The following VPS13B variants were observed in gnomAD, a reference collection of about 807,000 sequenced individuals.
VPS13B encodes intermembrane lipid transfer protein VPS13B.
Under a neutral mutation model 426.4 loss-of-function variants are expected in VPS13B, and 285 were observed. The observed-to-expected ratio is 0.67, with a 90% CI of 0.61 to 0.74. The LOEUF is 0.74. Ranked by LOEUF, VPS13B falls within the 30% of genes least tolerant of loss-of-function variation. The pLI, the probability that VPS13B is intolerant of heterozygous loss-of-function variation, is 0.00. For missense variants in VPS13B, 4,537 were observed against 4,782.6 expected, an observed-to-expected ratio of 0.95 and a Z score of 1.51; for synonymous variants, 1,676 against 1,676.4, an observed-to-expected ratio of 1.00 and a Z score of 0.01.
chr8:99,854,228 C>T lies in VPS13B; in HGVS notation c.10839C>T (p.His3613=). 1 of 1,614,096 alleles carries T rather than the reference C, an allele frequency of 6.2e-7. No homozygotes were observed. Among genetic ancestry groups the T allele is most frequent in the Middle Eastern group, 1.7e-4 (1 of 6,058 alleles). Residue 3613 remains histidine (H), a synonymous_variant, in exon 56 of 62, where the codon CAC becomes CAT. Transcript: ENST00000357162. The part of the protein sequence containing the change: ...ARQLVHALAM[H]YAAGALFRAG... ...AGCTTGTGCACGCCCTGGCAATGCA[C>T]TATGCCGCTGGGGCCCTTTTTAGAG...
Position 99,051,423 on chromosome 8 carries a change from G to C in VPS13B, c.291+12857G>C, listed in dbSNP as rs909805053. Among the ~76,000 whole-genome samples the C allele has an allele frequency of 1.2e-4, 18 of 151,406 alleles. 1 individual carries two copies. Among genetic ancestry groups the C allele is most frequent in the African/African-American group, 1.7e-4 (7 of 41,256 alleles). Reference sequence around the variant, plus strand: ...TTGGTACCAGTACCATGCTGTTTTGGTTACTGTAGCCTTGTAGTATAGTTT... The same window carrying C: ...TTGGTACCAGTACCATGCTGTTTTGCTTACTGTAGCCTTGTAGTATAGTTT... On this transcript the variant is annotated intron_variant, in intron 3 of 61. Coordinates refer to ENST00000357162, the MANE Select transcript of VPS13B (RefSeq NM_152564.5).
chr8:99,872,347 C>CTCTT lies in VPS13B; in HGVS notation c.11745+653_11745+656dup, dbSNP rs1365197994. ...CTGCTTTGTATTCTGTGGCTGTGTT[C>CTCTT]TCTTTCCCACAGGATAGTTTCCCAC... On this transcript the variant is annotated intron_variant, in intron 61 of 61. Coordinates refer to ENST00000357162, the MANE Select transcript of VPS13B (RefSeq NM_152564.5). 2.6e-5 allele frequency among the ~76,000 whole-genome samples: 4 copies of CTCTT among 152,218 alleles called. No individual in the cohort carries two copies. In the East Asian group the frequency reaches 7.7e-4, roughly 29 times the overall value.
At chr8:99,470,666 G>C (rs1005938971) in intron 24 of VPS13B, among the ~76,000 whole-genome samples, 2 of 151,076 alleles carry the variant, frequency 1.3e-5, no homozygotes, top group African/African-American at 4.9e-5. Context: ...TAGAAAAGTC[G>C]AATATTGTGT....
intron 7 of VPS13B, among the ~76,000 whole-genome samples, chr8:99,120,778 G>A (rs923702733): frequency 6.6e-6 from 1 of 151,754 alleles, no homozygotes; most frequent in Non-Finnish European, 1.5e-5. Flanking sequence ...GGGTCTTTGT[G>A]GTATTATGTT....
chr8:99,386,793 A>T (rs1588318295), intron 20 of VPS13B, among the ~76,000 whole-genome samples: 1 of 152,130 alleles, frequency 6.6e-6, no homozygotes, highest in Non-Finnish European at 1.5e-5. Flanking sequence ...GAACATAGCG[A>T]GACTCTGTCT....
chr8:99,485,648 A>G (rs1029769377), intron 25 of VPS13B, among the ~76,000 whole-genome samples: 3 of 152,202 alleles, frequency 2.0e-5, no homozygotes, highest in Non-Finnish European at 2.9e-5. Flanking sequence ...CTATATTTAA[A>G]TCTGTATACA....
intron 39 of VPS13B, among the ~76,000 whole-genome samples, chr8:99,725,315 G>A (rs1484648653): frequency 6.6e-6 from 1 of 152,114 alleles, no homozygotes; most frequent in Non-Finnish European, 1.5e-5. Context: ...TAGGAACCAG[G>A]CCACACAGCA....
At chr8:99,068,046 C>T (rs993568855) in intron 3 of VPS13B, among the ~76,000 whole-genome samples, 1 of 152,078 alleles carries the variant, frequency 6.6e-6, no homozygotes, top group African/African-American at 2.4e-5. Context: ...GTAGCTCTTA[C>T]GTGTATTATT....
intron 3 of VPS13B, among the ~76,000 whole-genome samples, chr8:99,080,102 C>T (rs1248728820): frequency 1.3e-5 from 2 of 150,304 alleles, no homozygotes; most frequent in Non-Finnish European, 3.0e-5. Flanking sequence ...TTTATTTTGT[C>T]TTTTTCTTAC....
At chr8:99,367,566 C>A (rs1233999872) in intron 19 of VPS13B, among the ~76,000 whole-genome samples, 1 of 152,138 alleles carries the variant, frequency 6.6e-6, no homozygotes, top group Non-Finnish European at 1.5e-5. Context: ...CCGTTACTAT[C>A]CTTTTGAGTA....
At chr8:99,044,436 T>C (rs1843115687) in intron 3 of VPS13B, among the ~76,000 whole-genome samples, 1 of 152,054 alleles carries the variant, frequency 6.6e-6, no homozygotes, top group Non-Finnish European at 1.5e-5. Flanking sequence ...GTGTGTTTTT[T>C]TAATTGAAAC....
intron 33 of VPS13B, among the ~76,000 whole-genome samples, chr8:99,606,624 C>CTTTTTTTTTTTTTTTTTTTTTTTT (rs1193844207): frequency 7.3e-6 from 1 of 137,236 alleles, no homozygotes; most frequent in Non-Finnish European, 1.6e-5. Flanking sequence ...TTTTCTTTTT[C>CTTTTTTTTTTTTTTTTTTTTTTTT]TTTTCTTTTT....
chr8:99,873,042 G>A (rs1366074446), intron 61 of VPS13B, among the ~76,000 whole-genome samples: 2 of 152,204 alleles, frequency 1.3e-5, no homozygotes, highest in Admixed American at 1.3e-4. Flanking sequence ...AGAATCTTCT[G>A]ATCAGTTGAG....
intron 21 of VPS13B, among the ~76,000 whole-genome samples, chr8:99,397,515 A>C (rs1814800556): frequency 6.6e-6 from 1 of 152,190 alleles, no homozygotes; most frequent in Non-Finnish European, 1.5e-5. Flanking sequence ...TTTATGCCGA[A>C]GTTTAATAAT....
At chr8:99,545,096 T>G (rs1006611352) in intron 30 of VPS13B, among the ~76,000 whole-genome samples, 2 of 152,112 alleles carry the variant, frequency 1.3e-5, no homozygotes, top group Non-Finnish European at 2.9e-5. Flanking sequence ...TCCTCTGTTC[T>G]GTACCTTGCT....
rs1233911090 is a variant in VPS13B at position 99,818,609 on chromosome 8, G to A, written c.8445+75G>A. The A allele has an allele frequency of 1.9e-6, 3 of 1,603,184 alleles. No individual in the cohort carries two copies. The African/African-American group carries it at 4.0e-5, about 21-fold the overall frequency. On this transcript the variant is annotated intron_variant, in intron 46 of 61. Transcript: ENST00000357162. ...TGTTCTGAAATAAATTAAGGTCAGA[G>A]TGACCCAGGGAAGAGATTTATTACA...
At position 99,387,459 on chromosome 8, in the gene VPS13B, G is replaced by A. The variant is rs114528636; in HGVS notation, c.2934+3142G>A. ...GCTCGTCTAAAACTCCTAGGTTCAA[G>A]TCATCTACCCACCTAAGCCTCCCAA... On this transcript the variant is annotated intron_variant, in intron 20 of 61. Coordinates refer to ENST00000357162, the MANE Select transcript of VPS13B (RefSeq NM_152564.5). Among the ~76,000 whole-genome samples the A allele has an allele frequency of 8.5e-3, 1,287 of 152,134 alleles. 21 individuals carry two copies. Among genetic ancestry groups the A allele is most frequent in the African/African-American group, 0.029 (1,211 of 41,510 alleles).
At chr8:99,257,341 A>C (rs1817798083) in intron 17 of VPS13B, among the ~76,000 whole-genome samples, 1 of 152,150 alleles carries the variant, frequency 6.6e-6, no homozygotes, top group East Asian at 1.9e-4. Context: ...TCTTATAGTA[A>C]AAAAATAGCT....
chr8:99,053,444 C>T (rs982011538), intron 3 of VPS13B, among the ~76,000 whole-genome samples: 2 of 152,040 alleles, frequency 1.3e-5, no homozygotes, highest in African/African-American at 2.4e-5. Context: ...TTTCCTGGTT[C>T]ATCCAGGCCC....
Sources: allele counts gnomAD v4.1 joint callset (sites outside exome capture counted in the v4.1 genomes callset), GRCh38; gene constraint gnomAD v4.1.1; transcripts MANE v1.5; gene names NCBI Gene and HGNC (gene_info 2026-07-23, HGNC 2026-07-21).